The following ALDH2 variants were observed in gnomAD, a reference collection of about 807,000 sequenced individuals.
The protein encoded by ALDH2 is aldehyde dehydrogenase, mitochondrial.
A neutral mutation model predicts 59.6 loss-of-function variants in ALDH2; 44 were observed. The ratio of observed to expected loss-of-function variants is 0.74; its 90% CI spans 0.58 to 0.95. ALDH2 has a LOEUF of 0.95. Among genes scored for constraint, ALDH2 ranks in the 40% least tolerant of loss-of-function variants. The probability of loss-of-function intolerance (pLI) is 0.00; values close to 1 mark genes in which losing one functional copy is unlikely to be tolerated. For synonymous variants in ALDH2, 291 were observed against 284.0 expected (o/e 1.02, Z -0.25); for missense variants, 570 against 696.3 (o/e 0.82, Z 2.04).
chr12:111,769,265 G>A (rs1047556763), intron 1 of ALDH2, among the ~76,000 whole-genome samples: 11 of 152,010 alleles, frequency 7.2e-5, no homozygotes, highest in African/African-American at 2.7e-4. Context: ...ACAACTCTCT[G>A]GACATGGTCA....
In ALDH2 at chr12:111,778,615, C is replaced by T. The variant is rs1466066429; in HGVS notation, c.115-3303C>T. 5.3e-5 allele frequency among the ~76,000 whole-genome samples: 8 copies of T among 151,108 alleles called. No individual in the cohort carries two copies. The South Asian group carries it at 6.3e-4, about 12-fold the overall frequency. On this transcript the variant is annotated intron_variant, in intron 1 of 12. Coordinates refer to ENST00000261733, the MANE Select transcript of ALDH2 (RefSeq NM_000690.4). Reference sequence around the variant, plus strand: ...TTGGGAGGCCCAGACGGGCGGATCACGAGGTCAGGAGATTGAGACCATCTT... The same window carrying T: ...TTGGGAGGCCCAGACGGGCGGATCATGAGGTCAGGAGATTGAGACCATCTT...
At position 111,782,840 on chromosome 12, in the gene ALDH2, C is replaced by T. The variant is rs562477936; in HGVS notation, c.220-318C>T. Among the ~76,000 whole-genome samples the T allele has an allele frequency of 5.9e-5, 9 of 151,778 alleles. No homozygotes were observed. In the East Asian group the frequency reaches 1.2e-3, roughly 20 times the overall value. On this transcript the variant is annotated intron_variant, in intron 2 of 12. Transcript: ENST00000261733. ...CGGAGGTTGCAATGAGCCGAGATTG[C>T]GCCACTATACTCCAGCCTGGGCGAC...
At chr12:111,790,028 C>T (rs1593078484) in intron 5 of ALDH2, 94 bp downstream of exon 5, 44 of 1,200,202 alleles carry the variant, frequency 3.7e-5, no homozygotes, top group Non-Finnish European at 4.8e-5. Flanking sequence ...TGTCGGAAGG[C>T]AGCCTGGGTG....
intron 4 of ALDH2, among the ~76,000 whole-genome samples, chr12:111,789,017 C>CTT (rs1224537015): frequency 1.2e-4 from 15 of 125,168 alleles, no homozygotes; most frequent in Admixed American, 1.6e-4. Context: ...TCTTTCTTTT[C>CTT]TTTTTTTTTT....
In ALDH2 at chr12:111,798,162, A is replaced by G. The variant is rs775896971; in HGVS notation, c.1168A>G (p.Ile390Val). The change falls in exon 10 of 13, where the codon ATT (isoleucine) becomes GTT (valine). Residue 390 changes from isoleucine (I) to valine (V), a missense_variant. Physicochemically the swap from Ile to Val is conservative, Grantham distance 29. Coordinates refer to ENST00000261733, the MANE Select transcript of ALDH2 (RefSeq NM_000690.4). Reference protein sequence around the residue: ...EGAKLLCGGGIAADRGYFIQP... With the variant: ...EGAKLLCGGGVAADRGYFIQP... ...GGCGAAGCTGCTGTGTGGTGGGGGC[A>G]TTGCTGCTGACCGTGGTTACTTCAT... 2 of 1,612,338 alleles carry G rather than the reference A, an allele frequency of 1.2e-6. No homozygotes were observed. Among genetic ancestry groups the G allele is most frequent in the Non-Finnish European group, 1.7e-6 (2 of 1,179,100 alleles).
At chr12:111,796,285 G>A (rs376966782) in intron 9 of ALDH2, among the ~76,000 whole-genome samples, 3 of 151,926 alleles carry the variant, frequency 2.0e-5, no homozygotes, top group African/African-American at 7.2e-5. Context: ...TCGTGCCACC[G>A]CACTCCAGCC....
chr12:111,767,268 C>T (rs2068166281), intron 1 of ALDH2, among the ~76,000 whole-genome samples, 172 bp downstream of exon 1: 1 of 152,150 alleles, frequency 6.6e-6, no homozygotes, highest in East Asian at 1.9e-4. Flanking sequence ...GCATTTTAGC[C>T]CCTTCGCCGC....
At chr12:111,772,445 A>G (rs1384426053) in intron 1 of ALDH2, among the ~76,000 whole-genome samples, 3 of 151,700 alleles carry the variant, frequency 2.0e-5, no homozygotes, top group African/African-American at 7.3e-5. Flanking sequence ...GCTCACTGCA[A>G]CCTCTGCCTC....
Position 111,785,364 on chromosome 12 carries a change from C to T in ALDH2, c.440+18C>T, listed in dbSNP as rs749478901. Reference sequence around the variant, plus strand: ...TGTCTCCGGTATGGGCTCAGCTTTCCTGTTCTTTGTTCTGGCAGGGGAAAA... The same window carrying T: ...TGTCTCCGGTATGGGCTCAGCTTTCTTGTTCTTTGTTCTGGCAGGGGAAAA... On this transcript the variant is annotated intron_variant, in intron 4 of 12. Coordinates refer to ENST00000261733, the MANE Select transcript of ALDH2 (RefSeq NM_000690.4). 1 of 1,606,542 alleles carries T rather than the reference C, an allele frequency of 6.2e-7. No homozygotes were observed. Among genetic ancestry groups the T allele is most frequent in the South Asian group, 1.1e-5 (1 of 90,912 alleles).
intron 6 of ALDH2, 96 bp downstream of exon 6, chr12:111,790,658 A>G (rs2068350974): frequency 6.5e-7 from 1 of 1,531,430 alleles, no homozygotes; most frequent in Non-Finnish European, 8.9e-7. Flanking sequence ...CTAAACAGGG[A>G]GGTGTGTTTG....
chr12:111,779,587 T>C (rs2068257038), intron 1 of ALDH2, among the ~76,000 whole-genome samples: 1 of 152,204 alleles, frequency 6.6e-6, no homozygotes, highest in African/African-American at 2.4e-5. Flanking sequence ...TTCTTTATGG[T>C]CCGAGACTCT....
At chr12:111,772,507 G>A (rs1251997393) in intron 1 of ALDH2, among the ~76,000 whole-genome samples, 1 of 151,932 alleles carries the variant, frequency 6.6e-6, no homozygotes, top group Non-Finnish European at 1.5e-5. Context: ...TGGGATTACG[G>A]GTGCCGCCAC....
Position 111,792,500 on chromosome 12 carries a change from T to G in ALDH2, c.899-98T>G. The G allele has an allele frequency of 5.8e-6, 8 of 1,383,900 alleles. No individual in the cohort carries two copies. The South Asian group carries it at 1.1e-4, about 19-fold the overall frequency. The allele number at this position is 1,383,900 out of a possible 1,614,324, so 85.7% of individuals were successfully genotyped here. ...TCTGGCACCCAGCAGGCATCAACCC[T>G]TACAGTGGTGGGAACAGGCTCCATT... On this transcript the variant is annotated intron_variant, in intron 8 of 12. Coordinates refer to ENST00000261733, the MANE Select transcript of ALDH2 (RefSeq NM_000690.4).
rs1349381714 is a variant in ALDH2, at chr12:111,792,797, G to A, written c.1083+15G>A. On this transcript the variant is annotated intron_variant, in intron 9 of 12. Transcript: ENST00000261733. ...AGGGGCCGCAGGTGAGCCAGGCAGT[G>A]CCGCAGGGTCTGGGTGTCTAGAGCC... 4 of 1,544,332 alleles carry A rather than the reference G, an allele frequency of 2.6e-6. No homozygotes were observed. Among genetic ancestry groups the A allele is most frequent in the Middle Eastern group, 1.7e-4 (1 of 5,986 alleles).
intron 6 of ALDH2, among the ~76,000 whole-genome samples, chr12:111,791,042 C>G (rs1428693961): frequency 6.6e-6 from 1 of 152,014 alleles, no homozygotes; most frequent in Non-Finnish European, 1.5e-5. Context: ...GAGAGAGACT[C>G]GGTCTCAAAA....
At chr12:111,807,016 C>T (rs2136029026) in intron 12 of ALDH2, among the ~76,000 whole-genome samples, 1 of 152,076 alleles carries the variant, frequency 6.6e-6, no homozygotes, top group East Asian at 1.9e-4. Context: ...CCTGTAATCC[C>T]AGCACTTTGG....
In ALDH2 at chr12:111,766,995, G is replaced by A. The variant is rs551088152; in HGVS notation, c.13G>A (p.Ala5Thr). ...CTAGCCCGCTGCGATGTTGCGCGCT[G>A]CCGCCCGCTTCGGGCCCCGCCTGGG... MLRAAARFGPRLGRR... is the reference protein window; with the variant it reads MLRATARFGPRLGRR... Residue 5 changes from alanine (A) to threonine (T), a missense_variant, in exon 1 of 13, where the codon GCC (alanine) becomes ACC (threonine). Physicochemically the swap from Ala to Thr is moderately conservative, Grantham distance 58. Transcript: ENST00000261733. The A allele has an allele frequency of 6.6e-6, 10 of 1,522,128 alleles. No individual in the cohort carries two copies. The African/African-American group carries it at 1.1e-4, about 17-fold the overall frequency. The allele number at this position is 1,522,128 out of a possible 1,614,324, so 94.3% of individuals were successfully genotyped here.
intron 1 of ALDH2, among the ~76,000 whole-genome samples, chr12:111,770,131 G>A (rs1281538512): frequency 1.4e-5 from 2 of 142,552 alleles, no homozygotes; most frequent in African/African-American, 2.8e-5. Context: ...GTGACAGAGC[G>A]AGACTCCATC....
chr12:111,769,496 T>A (rs56884502), intron 1 of ALDH2, among the ~76,000 whole-genome samples: 27,114 of 151,942 alleles, frequency 0.18, 2,506 homozygotes, highest in Middle Eastern at 0.27. Context: ...GGTGGGTGTG[T>A]CTCTTGTAGA....
Sources: allele counts gnomAD v4.1 joint callset (sites outside exome capture counted in the v4.1 genomes callset), GRCh38; gene constraint gnomAD v4.1.1; transcripts MANE v1.5; gene names NCBI Gene and HGNC (gene_info 2026-07-23, HGNC 2026-07-21).